RSPO1: variants seen among roughly 807,000 people sequenced by gnomAD.
The protein encoded by RSPO1 is R-spondin 1.
In RSPO1, 18 loss-of-function variants were observed where a neutral mutation model predicts 26.0. The observed-to-expected ratio is 0.69, with a 90% CI of 0.48 to 1.03. The LOEUF (loss-of-function observed/expected upper bound fraction) is 1.03. Among genes scored for constraint, RSPO1 ranks in the 50% least tolerant of loss-of-function variants. RSPO1 has a pLI of 0.00. For synonymous variants in RSPO1, 133 were observed against 137.4 expected, an observed-to-expected ratio of 0.97 and a Z score of 0.22; for missense variants, 309 against 352.3, an observed-to-expected ratio of 0.88 and a Z score of 0.98.
At chr1:37,628,783 C>T (rs569982003) in intron 3 of RSPO1, among the ~76,000 whole-genome samples, 1 of 152,340 alleles carries the variant, frequency 6.6e-6, no homozygotes, top group Admixed American at 6.5e-5. Context: ...ATTGGGAGAC[C>T]TGGGTTCCAA....
At chr1:37,630,629 G>A (rs909611031) in intron 2 of RSPO1, among the ~76,000 whole-genome samples, 8 of 152,254 alleles carry the variant, frequency 5.3e-5, no homozygotes, top group African/African-American at 1.9e-4. Context: ...CGAGAGCCAG[G>A]TCTCTGGACC....
At position 37,634,322 on chromosome 1, in the gene RSPO1, G is replaced by A. The variant is rs912625061; in HGVS notation, c.-356+244C>T. On this transcript the variant is annotated intron_variant, in intron 1 of 6. Transcript: ENST00000356545. The surrounding 1 kb of genome is among the most constrained non-coding windows in gnomAD (Gnocchi z 4.7). ...TGATCACCCGGGGCTGCGGGATGGAGGGGAGTTCGAGGGGAAGAGGCTGCC... is the reference window on the plus strand; with the variant it reads ...TGATCACCCGGGGCTGCGGGATGGAAGGGAGTTCGAGGGGAAGAGGCTGCC... Among the ~76,000 whole-genome samples, 4 of 152,208 alleles carry A rather than the reference G, an allele frequency of 2.6e-5. No individual in the cohort carries two copies. Among genetic ancestry groups the A allele is most frequent in the Non-Finnish European group, 5.9e-5 (4 of 68,030 alleles).
chr1:37,627,476 T>G (rs565058801), intron 3 of RSPO1, among the ~76,000 whole-genome samples: 1 of 152,114 alleles, frequency 6.6e-6, no homozygotes, highest in Admixed American at 6.5e-5. Flanking sequence ...ATGACAAAAC[T>G]TTGTCTCTAC....
At chr1:37,632,496 C>T (rs1644373529) in intron 1 of RSPO1, 143 bp from the exon 2 acceptor site, 1 of 41,758 alleles carries the variant, frequency 2.4e-5, no homozygotes, top group African/African-American at 6.2e-5. Flanking sequence ...GCTAAGAGTT[C>T]CTCTATACCA....
intron 3 of RSPO1, among the ~76,000 whole-genome samples, chr1:37,622,157 A>G (rs909894112): frequency 6.6e-6 from 1 of 152,210 alleles, no homozygotes; most frequent in African/African-American, 2.4e-5. Flanking sequence ...AGTATATAGC[A>G]TCATGGGAGC....
Position 37,616,521 on chromosome 1 carries a change from G to A in RSPO1, c.249C>T (p.Tyr83=), listed in dbSNP as rs1406744388. ...GVCLPSCPPG[Y]FDARNPDMNK... is the part of the protein sequence containing the mutation. ...TCATGTCGGGGTTGCGGGCGTCGAA[G>A]TATCCAGGTGGGCAGGACGGCAAGC... is the stretch of plus-strand genomic sequence containing the variant. The change falls in exon 4 of 7, where the codon TAC becomes TAT. Residue 83 remains tyrosine (Y), a synonymous_variant. Transcript: ENST00000356545. 1 of 1,614,204 alleles carries A rather than the reference G, an allele frequency of 6.2e-7. No individual in the cohort carries two copies. Among genetic ancestry groups the A allele is most frequent in the East Asian group, 2.2e-5 (1 of 44,874 alleles).
chr1:37,623,866 T>C lies in RSPO1; in HGVS notation c.94+5702A>G, dbSNP rs574236125. On this transcript the variant is annotated intron_variant, in intron 3 of 6. Coordinates refer to ENST00000356545, the MANE Select transcript of RSPO1 (RefSeq NM_001242908.2). ...CCTCCGCCTCCTGGGTTCAAGCGAT[T>C]CTCCTGCCTCAGCCTCCTGAGTAGC... Among the ~76,000 whole-genome samples the C allele has an allele frequency of 5.6e-3, 843 of 151,610 alleles. 2 individuals are homozygous for C. The highest frequency in any genetic ancestry group is 9.0e-3 in the Non-Finnish European group (614 of 67,858).
Position 37,629,631 on chromosome 1 carries a change from C to T in RSPO1, c.31G>A (p.Val11Ile). The T allele has an allele frequency of 1.2e-6, 2 of 1,614,168 alleles. No individual in the cohort carries two copies. The highest frequency in any genetic ancestry group is 1.6e-4 in the Middle Eastern group (1 of 6,062). Residue 11 changes from valine to isoleucine, a missense_variant, in exon 3 of 7, where the codon GTT (valine) becomes ATT (isoleucine). Physicochemically the swap from Val to Ile is conservative, Grantham distance 29. Transcript: ENST00000356545. ...ATGGTGAGGTGCGTCCAGCTCAGAA[C>T]CAGGGCCACCACACACAGCCCAAGC... is the stretch of plus-strand genomic sequence containing the variant. MRLGLCVVAL[V>I]LSWTHLTISS...
Position 37,612,880 on chromosome 1 carries a change from C to T in RSPO1, c.667G>A (p.Ala223Thr). ...RKGGQGRREN[A>T]NRNLARKESK... ...TCCTTCCTGGCCAGGTTCCTGTTGG[C>T]ATTCTCCCGCCGGCCCTGGCCTCCC... Residue 223 changes from alanine to threonine, a missense_variant, in exon 7 of 7, where the codon GCC (alanine) becomes ACC (threonine). Ala to Thr is a moderately conservative substitution (Grantham distance 58, BLOSUM62 0). Coordinates refer to ENST00000356545, the MANE Select transcript of RSPO1 (RefSeq NM_001242908.2). The T allele has an allele frequency of 4.3e-6, 7 of 1,614,062 alleles. No individual in the cohort carries two copies. Among genetic ancestry groups the T allele is most frequent in the Non-Finnish European group, 5.9e-6 (7 of 1,180,002 alleles).
At chr1:37,615,185 G>T (rs1175918352) in intron 4 of RSPO1, among the ~76,000 whole-genome samples, 3 of 152,092 alleles carry the variant, frequency 2.0e-5, no homozygotes, top group Non-Finnish European at 4.4e-5. Context: ...AGCTCCCAGG[G>T]TCCCACCTCT....
At chr1:37,625,412 G>A (rs924303181) in intron 3 of RSPO1, among the ~76,000 whole-genome samples, 2 of 152,202 alleles carry the variant, frequency 1.3e-5, no homozygotes, top group African/African-American at 4.8e-5. Context: ...TGGGTGGAGA[G>A]AACTCACCGT....
chr1:37,628,990 C>T (rs1644318074), intron 3 of RSPO1, among the ~76,000 whole-genome samples: 1 of 152,236 alleles, frequency 6.6e-6, no homozygotes, highest in Non-Finnish European at 1.5e-5. Context: ...GCCTGCTTGT[C>T]TCCCCTTCGA....
chr1:37,624,686 C>T (rs1047340099), intron 3 of RSPO1, among the ~76,000 whole-genome samples: 15 of 152,230 alleles, frequency 9.9e-5, no homozygotes, highest in African/African-American at 3.1e-4. Context: ...TGCCCCTCCC[C>T]GCTAGGGGCT....
In RSPO1 at chr1:37,620,736, T is replaced by C. The variant is rs557666517; in HGVS notation, c.95-4061A>G. 2.6e-4 allele frequency among the ~76,000 whole-genome samples: 40 copies of C among 152,222 alleles called. 2 individuals are homozygous for C. The South Asian group carries it at 7.5e-3, about 28-fold the overall frequency. On this transcript the variant is annotated intron_variant, in intron 3 of 6. Coordinates refer to ENST00000356545, the MANE Select transcript of RSPO1 (RefSeq NM_001242908.2). ...GAGCAAAAATACTCCAAATGCGGCA[T>C]TGAAGTTATGAGGGAGTCCTTTGGA...
At chr1:37,612,985 A>T in intron 6 of RSPO1, 64 bp from the exon 7 acceptor site, 1 of 1,574,988 alleles carries the variant, frequency 6.3e-7, no homozygotes, top group Admixed American at 1.7e-5. Flanking sequence ...GGGCATGGCC[A>T]CAGGCCCTAG....
At chr1:37,626,155 C>T (rs1644273301) in intron 3 of RSPO1, among the ~76,000 whole-genome samples, 1 of 152,148 alleles carries the variant, frequency 6.6e-6, no homozygotes, top group South Asian at 2.1e-4. Context: ...CAGGCCAAGT[C>T]CAAACTCCTC....
At chr1:37,618,793 G>A (rs1040388401) in intron 3 of RSPO1, among the ~76,000 whole-genome samples, 9 of 152,136 alleles carry the variant, frequency 5.9e-5, no homozygotes, top group African/African-American at 2.4e-5. Flanking sequence ...CAAGAGAAGC[G>A]AGTTGAGAGG....
chr1:37,626,456 GT>G (rs1644277267), intron 3 of RSPO1, among the ~76,000 whole-genome samples: 1 of 152,182 alleles, frequency 6.6e-6, no homozygotes. Flanking sequence ...CCCCGGGGCT[GT>G]CCATGCCCTC....
At position 37,614,348 on chromosome 1, in the gene RSPO1, G is replaced by T. The variant is rs1644078227; in HGVS notation, c.287-15C>A. The T allele has an allele frequency of 6.2e-7, 1 of 1,613,196 alleles. No homozygotes were observed. The highest frequency in any genetic ancestry group is 8.5e-7 in the Non-Finnish European group (1 of 1,180,028). ...GATCTTGCATTCTGAGGAGAGGACA[G>T]ATTGGGGGCTTCTGGCCCAGCCTGG... is the stretch of plus-strand genomic sequence containing the variant. On this transcript the variant is annotated splice_polypyrimidine_tract_variant and intron_variant, in intron 4 of 6. Transcript: ENST00000356545.
Sources: allele counts gnomAD v4.1 joint callset (sites outside exome capture counted in the v4.1 genomes callset), GRCh38; gene constraint gnomAD v4.1.1; non-coding constraint Gnocchi (gnomAD v3.1); transcripts MANE v1.5; gene names NCBI Gene and HGNC (gene_info 2026-07-23, HGNC 2026-07-21).